Variants in FSTL5 observed in about 807,000 individuals in gnomAD.
FSTL5 encodes the protein follistatin like 5, also known as follistatin-related protein 5.
Under a neutral mutation model 89.1 loss-of-function variants are expected in FSTL5, and 62 were observed. That is an observed-to-expected ratio of 0.70 (90% CI 0.57 to 0.86). The LOEUF (loss-of-function observed/expected upper bound fraction) is 0.86. FSTL5 is among the 40% of genes least tolerant of loss of function. FSTL5 has a pLI of 0.00. For synonymous variants in FSTL5, 383 were observed against 346.2 expected (o/e 1.11, Z -1.18); for missense variants, 1,057 against 1,001.6 (o/e 1.06, Z -0.75).
chr4:161,946,309 GTTA>G (rs1460854861), intron 3 of FSTL5, among the ~76,000 whole-genome samples: 3 of 152,090 alleles, frequency 2.0e-5, no homozygotes, highest in Non-Finnish European at 2.9e-5. Flanking sequence ...ACCTACTTCT[GTTA>G]TTATGGCTTC....
chr4:161,711,453 A>G (rs565209980), intron 6 of FSTL5, among the ~76,000 whole-genome samples: 1 of 152,178 alleles, frequency 6.6e-6, no homozygotes, highest in East Asian at 1.9e-4. Context: ...ACAGAAACAG[A>G]TCAATTAAGA....
chr4:161,861,777 T>C (rs1308130993), intron 4 of FSTL5, among the ~76,000 whole-genome samples: 1 of 152,212 alleles, frequency 6.6e-6, no homozygotes, highest in Non-Finnish European at 1.5e-5. Context: ...AAATGTGGTA[T>C]AATAATAGTT....
chr4:161,856,812 T>G (rs1359054140), intron 4 of FSTL5, among the ~76,000 whole-genome samples: 2 of 151,986 alleles, frequency 1.3e-5, no homozygotes, highest in African/African-American at 4.8e-5. Context: ...AAGGAAATCA[T>G]GGATGAGTTG....
intron 8 of FSTL5, among the ~76,000 whole-genome samples, chr4:161,550,809 C>T (rs1002690150): frequency 6.6e-6 from 1 of 151,858 alleles, no homozygotes; most frequent in African/African-American, 2.4e-5. Flanking sequence ...GTTTAATTCC[C>T]ACCTATGAGT....
chr4:162,077,736 G>T (rs957454541), intron 2 of FSTL5, among the ~76,000 whole-genome samples: 5 of 151,692 alleles, frequency 3.3e-5, no homozygotes, highest in Non-Finnish European at 7.4e-5. Context: ...TGAGCATTCT[G>T]GATTTATAAG....
Position 161,878,832 on chromosome 4 carries a change from G to A in FSTL5, c.409+41572C>T, listed in dbSNP as rs543157829. ...GATAACGATAGCAAATTCTAGAAAT[G>A]TTCTGTCTATATAAAATCACAATTA... On this transcript the variant is annotated intron_variant, in intron 4 of 15. Transcript: ENST00000306100. Among the ~76,000 whole-genome samples the A allele has an allele frequency of 1.8e-3, 273 of 152,132 alleles. 1 individual carries two copies. The highest frequency in any genetic ancestry group is 6.2e-3 in the African/African-American group (259 of 41,528).
In FSTL5 at chr4:161,768,933, T is replaced by G. The variant is rs1269115348; in HGVS notation, c.606+6945A>C. On this transcript the variant is annotated intron_variant, in intron 5 of 15. Coordinates refer to ENST00000306100, the MANE Select transcript of FSTL5 (RefSeq NM_020116.5). Reference sequence around the variant, plus strand: ...GGTCTTTTAAAAAGATAAATAAAATTGACAAACCTTTAGCCAGATTAAGGT... The same window carrying G: ...GGTCTTTTAAAAAGATAAATAAAATGGACAAACCTTTAGCCAGATTAAGGT... Among the ~76,000 whole-genome samples, 5 of 151,416 alleles carry G rather than the reference T, an allele frequency of 3.3e-5. No homozygotes were observed. The East Asian group carries it at 9.7e-4, about 29-fold the overall frequency.
At chr4:161,612,263 T>G (rs1322885111) in intron 7 of FSTL5, among the ~76,000 whole-genome samples, 2 of 152,218 alleles carry the variant, frequency 1.3e-5, no homozygotes, top group Non-Finnish European at 2.9e-5. Flanking sequence ...TGAATGGAAG[T>G]ATTGTACTCA....
intron 3 of FSTL5, among the ~76,000 whole-genome samples, chr4:162,026,123 A>T (rs1345114856): frequency 6.6e-6 from 1 of 151,528 alleles, no homozygotes; most frequent in African/African-American, 2.4e-5. Context: ...GTAAGAAAAA[A>T]ATGCAATATT....
intron 15 of FSTL5, among the ~76,000 whole-genome samples, chr4:161,397,648 T>C (rs1200868841): frequency 9.1e-6 from 1 of 109,506 alleles, no homozygotes; most frequent in Non-Finnish European, 2.1e-5. Context: ...AACATACATA[T>C]TGAAGAAGAG....
At chr4:161,638,489 T>G (rs1042711223) in intron 7 of FSTL5, among the ~76,000 whole-genome samples, 3 of 152,102 alleles carry the variant, frequency 2.0e-5, no homozygotes, top group African/African-American at 7.2e-5. Flanking sequence ...TGGCCAGAAC[T>G]TCCAACACAA....
intron 3 of FSTL5, among the ~76,000 whole-genome samples, chr4:161,950,587 G>C (rs1734865363): frequency 6.6e-6 from 1 of 152,120 alleles, no homozygotes; most frequent in African/African-American, 2.4e-5. Flanking sequence ...GTTTCCTAGG[G>C]ATCAGGAAGT....
chr4:161,874,189 C>T (rs937493395), intron 4 of FSTL5, among the ~76,000 whole-genome samples: 7 of 152,064 alleles, frequency 4.6e-5, no homozygotes, highest in Non-Finnish European at 8.8e-5. Context: ...TAATCTATAT[C>T]GTCTCAAACT....
intron 4 of FSTL5, among the ~76,000 whole-genome samples, chr4:161,905,106 G>A (rs897823837): frequency 1.3e-5 from 2 of 151,990 alleles, no homozygotes; most frequent in Non-Finnish European, 2.9e-5. Context: ...ATATTATGCT[G>A]TAACAAACCT....
At chr4:161,647,136 CTTTA>C (rs1249001601) in intron 7 of FSTL5, among the ~76,000 whole-genome samples, 1 of 152,072 alleles carries the variant, frequency 6.6e-6, no homozygotes, top group Non-Finnish European at 1.5e-5. Flanking sequence ...AGTGACAGGT[CTTTA>C]TTTAAGTATT....
intron 6 of FSTL5, among the ~76,000 whole-genome samples, chr4:161,665,744 C>A (rs917112889): frequency 6.6e-6 from 1 of 151,558 alleles, no homozygotes; most frequent in African/African-American, 2.4e-5. Context: ...TTACAAAAAA[C>A]AGAAGAATGA....
chr4:161,417,780 C>T (rs1006452430), intron 15 of FSTL5, among the ~76,000 whole-genome samples: 17 of 152,164 alleles, frequency 1.1e-4, no homozygotes, highest in Non-Finnish European at 1.6e-4. Context: ...CATACTTCCA[C>T]GTTTGTTTGT....
intron 5 of FSTL5, among the ~76,000 whole-genome samples, chr4:161,760,581 C>T (rs1489202774): frequency 6.6e-6 from 1 of 152,154 alleles, no homozygotes; most frequent in Non-Finnish European, 1.5e-5. Flanking sequence ...CACACATGCA[C>T]ACACAGAGTC....
At chr4:161,927,712 T>C (rs2110884497) in intron 3 of FSTL5, among the ~76,000 whole-genome samples, 1 of 151,920 alleles carries the variant, frequency 6.6e-6, no homozygotes, top group East Asian at 1.9e-4. Flanking sequence ...ATTAAAACTA[T>C]TATTTTCATG....
Sources: allele counts gnomAD v4.1 joint callset (sites outside exome capture counted in the v4.1 genomes callset), GRCh38; gene constraint gnomAD v4.1.1; transcripts MANE v1.5; gene names NCBI Gene and HGNC (gene_info 2026-07-23, HGNC 2026-07-21).